The following RTKN2 variants were observed in gnomAD, a reference collection of about 807,000 sequenced individuals.
RTKN2 encodes rhotekin 2, also known as rhotekin-2.
Under a neutral mutation model 71.5 loss-of-function variants are expected in RTKN2, and 69 were observed. The ratio of observed to expected loss-of-function variants is 0.96; its 90% CI spans 0.79 to 1.18. The LOEUF (loss-of-function observed/expected upper bound fraction) is 1.18, where lower values mean the gene tolerates loss of function less well. RTKN2 is among the 50% of genes most tolerant of loss of function. The pLI is 0.00. For missense variants in RTKN2, 724 were observed against 719.7 expected, an observed-to-expected ratio of 1.01 and a Z score of -0.07; for synonymous variants, 236 against 236.5, an observed-to-expected ratio of 1.00 and a Z score of 0.02.
intron 11 of RTKN2, 29 bp from the exon 12 acceptor site, chr10:62,198,472 GA>G: frequency 7.3e-7 from 1 of 1,369,456 alleles, no homozygotes; most frequent in South Asian, 1.5e-5. Flanking sequence ...AAAAAAACAT[GA>G]AAAAATTCAA....
At chr10:62,257,882 C>T (rs1842703412) in intron 2 of RTKN2, among the ~76,000 whole-genome samples, 1 of 152,178 alleles carries the variant, frequency 6.6e-6, no homozygotes, top group Admixed American at 6.5e-5. Flanking sequence ...CTCATCCTAA[C>T]GACCTACTGC....
At chr10:62,234,161 C>T (rs1052030453) in intron 6 of RTKN2, among the ~76,000 whole-genome samples, 2 of 152,212 alleles carry the variant, frequency 1.3e-5, no homozygotes, top group East Asian at 3.9e-4. Context: ...GTCAGCTTAA[C>T]GGTTTCCCAC....
At chr10:62,207,423 C>G (rs868039835) in intron 9 of RTKN2, among the ~76,000 whole-genome samples, 1 of 152,012 alleles carries the variant, frequency 6.6e-6, no homozygotes, top group Non-Finnish European at 1.5e-5. Context: ...TAATGGAAAA[C>G]TTTTAATCAA....
chr10:62,207,058 G>A (rs1841562856), intron 9 of RTKN2, among the ~76,000 whole-genome samples: 1 of 151,938 alleles, frequency 6.6e-6, no homozygotes, highest in South Asian at 2.1e-4. Flanking sequence ...TACTGAAATT[G>A]TGCTTCCCTC....
intron 6 of RTKN2, among the ~76,000 whole-genome samples, chr10:62,232,612 T>C (rs1324744522): frequency 6.6e-6 from 1 of 151,974 alleles, no homozygotes; most frequent in African/African-American, 2.4e-5. Flanking sequence ...TTAAATATAG[T>C]TTCTAACATC....
chr10:62,215,100 A>G, intron 9 of RTKN2: 1 of 1,462,840 alleles, frequency 6.8e-7, no homozygotes, highest in Non-Finnish European at 9.3e-7. Flanking sequence ...GACTTCAAAA[A>G]TATCATTTGT....
At chr10:62,204,670 T>C (rs1186084896) in intron 10 of RTKN2, among the ~76,000 whole-genome samples, 187 bp downstream of exon 10, 4 of 152,172 alleles carry the variant, frequency 2.6e-5, no homozygotes, top group African/African-American at 7.2e-5. Context: ...ACGTATACTA[T>C]ACAATAGTCA....
rs555399073 is a variant in RTKN2 at position 62,224,323 on chromosome 10, C to T, written c.687-991G>A. Among the ~76,000 whole-genome samples, 6 of 98,290 alleles carry T rather than the reference C, an allele frequency of 6.1e-5. No homozygotes were observed. In the South Asian group the frequency reaches 1.4e-3, roughly 23 times the overall value. 64.5% of individuals were successfully genotyped at this position (98,290 alleles called of 152,430 possible). ...GCCTCTGAATGTATATTCAAGAATG[C>T]TTTACTACAAAAAAGAAAAAATTTA... On this transcript the variant is annotated intron_variant, in intron 6 of 11. Transcript: ENST00000373789.
rs1842914304 is a variant in RTKN2, at chr10:62,268,694, C to G, written c.-84G>C. The G allele has an allele frequency of 7.2e-7, 1 of 1,388,236 alleles. No individual in the cohort carries two copies. The highest frequency in any genetic ancestry group is 2.5e-5 in the East Asian group (1 of 39,246). 86.0% of individuals were successfully genotyped at this position (1,388,236 alleles called of 1,614,324 possible). On this transcript the variant is annotated 5_prime_UTR_variant, in exon 1 of 12. Transcript: ENST00000373789. ...CGCCCCTGGCAGGAGCCGCAGAGGA[C>G]GCCAACCGCCCGGCCGTACCAAGTC...
chr10:62,224,589 A>C (rs1841980510), intron 6 of RTKN2, among the ~76,000 whole-genome samples: 1 of 151,998 alleles, frequency 6.6e-6, no homozygotes, highest in Non-Finnish European at 1.5e-5. Flanking sequence ...GGCAGAATGA[A>C]AAAAAAAGTA....
chr10:62,236,906 A>T (rs1589368750), intron 5 of RTKN2, among the ~76,000 whole-genome samples: 1 of 124,132 alleles, frequency 8.1e-6, no homozygotes, highest in South Asian at 3.7e-4. Context: ...GTGGAATATT[A>T]AAAAAAAAAG....
chr10:62,256,693 C>T (rs550504289), intron 2 of RTKN2, among the ~76,000 whole-genome samples: 109 of 150,540 alleles, frequency 7.2e-4, no homozygotes, highest in African/African-American at 2.4e-3. Flanking sequence ...TTTGTGTATG[C>T]GTGTGTGTGT....
At position 62,239,652 on chromosome 10, in the gene RTKN2, T is replaced by C. The variant is rs1321874997; in HGVS notation, c.484A>G (p.Ile162Val). ...ITDICFENVT[I>V]FNEAGPDFQI... ...TGAAGATTAAAAAATACTTACAATA[T>C]GGTTACATTTTCAAAACATATATCT... The change falls in exon 5 of 12, where the codon ATA becomes GTA. Residue 162 changes from isoleucine (I) to valine (V), a missense_variant. Ile to Val is a conservative substitution (Grantham distance 29). Coordinates refer to ENST00000373789, the MANE Select transcript of RTKN2 (RefSeq NM_145307.4). The C allele has an allele frequency of 6.0e-6, 8 of 1,341,200 alleles. No individual in the cohort carries two copies. The highest frequency in any genetic ancestry group is 1.8e-4 in the Middle Eastern group (1 of 5,506). 83.1% of individuals were successfully genotyped at this position (1,341,200 alleles called of 1,614,324 possible).
At chr10:62,202,761 G>C (rs981692887) in intron 10 of RTKN2, among the ~76,000 whole-genome samples, 2 of 152,110 alleles carry the variant, frequency 1.3e-5, no homozygotes, top group African/African-American at 4.8e-5. Context: ...ACATAATCTA[G>C]AGAATGAAAG....
rs764484690 is a variant in RTKN2, at chr10:62,204,969, G to C, written c.1074C>G (p.Phe358Leu). Residue 358 changes from phenylalanine (F) to leucine (L), a missense_variant, in exon 10 of 12, where the codon TTC becomes TTG. Phe to Leu is a conservative substitution (Grantham distance 22, BLOSUM62 0). Coordinates refer to ENST00000373789, the MANE Select transcript of RTKN2 (RefSeq NM_145307.4). ...DKDAKKRIHN[F>L]SVINPVPGQA... ...GTCCAGGAACAGGATTGATGACAGA[G>C]AAATTATGGATTCTTTTCTTGGCAT... 1.9e-6 allele frequency: 3 copies of C among 1,599,896 alleles called. No individual in the cohort carries two copies. The highest frequency in any genetic ancestry group is 1.7e-4 in the Middle Eastern group (1 of 6,032).
chr10:62,237,153 T>C (rs868152115), intron 5 of RTKN2, among the ~76,000 whole-genome samples: 8 of 152,078 alleles, frequency 5.3e-5, no homozygotes, highest in African/African-American at 9.6e-5. Context: ...TGTGAGATGA[T>C]AGATGTTAAT....
intron 4 of RTKN2, among the ~76,000 whole-genome samples, chr10:62,240,104 G>A (rs1420989393): frequency 3.3e-5 from 5 of 151,886 alleles, no homozygotes; most frequent in Admixed American, 6.6e-5. Context: ...GCATGCAAGC[G>A]TGCACACACA....
chr10:62,239,932 T>C (rs1338157871), intron 4 of RTKN2, among the ~76,000 whole-genome samples, 167 bp from the exon 5 acceptor site: 1 of 152,106 alleles, frequency 6.6e-6, no homozygotes, highest in Non-Finnish European at 1.5e-5. Flanking sequence ...TATATAGGAA[T>C]ACCTTACTCA....
At chr10:62,230,140 T>A (rs1842117480) in intron 6 of RTKN2, among the ~76,000 whole-genome samples, 1 of 152,156 alleles carries the variant, frequency 6.6e-6, no homozygotes, top group African/African-American at 2.4e-5. Flanking sequence ...CTAGGTTCTA[T>A]TTCCAAGTTT....
Sources: gnomAD v4.1 joint callset for allele counts (sites outside exome capture counted in the v4.1 genomes callset) on GRCh38, gnomAD v4.1.1 for gene constraint, MANE v1.5 for transcripts, NCBI Gene and HGNC (gene_info 2026-07-23, HGNC 2026-07-21) for gene names.